TENM4: variants seen among roughly 807,000 people sequenced by gnomAD.
TENM4 encodes teneurin transmembrane protein 4.
TENM4 carries 82 observed loss-of-function variants against 243.3 expected under a neutral mutation model. The observed-to-expected ratio is 0.34, with a 90% CI of 0.28 to 0.40. The LOEUF (loss-of-function observed/expected upper bound fraction) is 0.40. TENM4 is among the 10% of genes least tolerant of loss of function. The pLI, the probability that TENM4 is intolerant of heterozygous loss-of-function variation, is 1.00. For synonymous variants in TENM4, 1,412 were observed against 1,456.3 expected, an observed-to-expected ratio of 0.97 and a Z score of 0.69; for missense variants, 3,138 against 3,673.3, an observed-to-expected ratio of 0.85 and a Z score of 3.77.
In TENM4 at chr11:78,903,539, G is replaced by A. The variant is rs1855989156; in HGVS notation, c.494-16C>T. On this transcript the variant is annotated splice_polypyrimidine_tract_variant and intron_variant, in intron 6 of 33. Transcript: ENST00000278550. ...CCCGGATGATCTAGGGCACAAACAT[G>A]GCGGTCAGCGGCGGTGAGCTTGGTG... is the stretch of plus-strand genomic sequence containing the variant. 6.5e-7 allele frequency: 1 copy of A among 1,543,188 alleles called. No individual in the cohort carries two copies. Among genetic ancestry groups the A allele is most frequent in the Non-Finnish European group, 8.7e-7 (1 of 1,146,606 alleles).
intron 2 of TENM4, among the ~76,000 whole-genome samples, chr11:79,283,343 A>C (rs1856192652): frequency 1.3e-5 from 2 of 152,076 alleles, no homozygotes; most frequent in African/African-American, 4.8e-5. Context: ...TGAATCCAAC[A>C]ACACGTAAAA....
At chr11:78,695,040 T>TTTAA (rs944943507) in intron 28 of TENM4, among the ~76,000 whole-genome samples, 1 of 152,156 alleles carries the variant, frequency 6.6e-6, no homozygotes, top group Admixed American at 6.5e-5. Context: ...TATTTTTATT[T>TTTAA]TTAATTAATT....
rs557723807 is a variant in TENM4, at chr11:79,373,372, G to A, written c.-321+67137C>T. On this transcript the variant is annotated intron_variant, in intron 1 of 33. Transcript: ENST00000278550. ...TGGATGGATCGATAAATGAATGAAG[G>A]TGTGAATGGATGCATGGGTGGATAG... Among the ~76,000 whole-genome samples, 5 of 151,984 alleles carry A rather than the reference G, an allele frequency of 3.3e-5. No homozygotes were observed. The South Asian group carries it at 1.0e-3, about 32-fold the overall frequency.
At chr11:78,779,437 G>C (rs1290944797) in intron 16 of TENM4, among the ~76,000 whole-genome samples, 1 of 152,184 alleles carries the variant, frequency 6.6e-6, no homozygotes, top group Non-Finnish European at 1.5e-5. Flanking sequence ...TCCAAGCCTT[G>C]AGTTATTTGG....
At chr11:78,881,485 G>C (rs567886003) in intron 9 of TENM4, among the ~76,000 whole-genome samples, 1 of 152,184 alleles carries the variant, frequency 6.6e-6, no homozygotes, top group South Asian at 2.1e-4. Flanking sequence ...CTCTCAGCTG[G>C]CTAACTTCTC....
At chr11:78,714,532 C>A (rs1020186301) in intron 25 of TENM4, among the ~76,000 whole-genome samples, 2 of 152,218 alleles carry the variant, frequency 1.3e-5, no homozygotes, top group African/African-American at 4.8e-5. Context: ...AGCCTGGGTC[C>A]TCTTCAAGCC....
intron 1 of TENM4, among the ~76,000 whole-genome samples, chr11:79,414,902 T>G (rs976938545): frequency 6.6e-6 from 1 of 152,272 alleles, no homozygotes; most frequent in Non-Finnish European, 1.5e-5. Context: ...AATCCATTAA[T>G]TCTGATCATT....
intron 6 of TENM4, among the ~76,000 whole-genome samples, chr11:78,938,263 G>A (rs571907865): frequency 1.1e-4 from 17 of 152,244 alleles, no homozygotes; most frequent in Admixed American, 3.3e-4. Flanking sequence ...CTAGGTGCTG[G>A]CCTTTTTTAT....
At position 78,889,899 on chromosome 11, in the gene TENM4, C is replaced by A. The variant is rs901986243; in HGVS notation, c.970G>T (p.Ala324Ser). The change falls in exon 9 of 34, where the codon GCC becomes TCC. Residue 324 changes from alanine (A) to serine (S), a missense_variant. Around this residue, in one of 2 missense-constraint regions of TENM4, gnomAD observed 671 missense variants for 614.1 expected, o/e 1.09. Transcript: ENST00000278550. ...PPRPLPRSTF[A>S]RPAFNLKKPS... ...TTCTTGAGGTTAAAGGCCGGCCGGG[C>A]GAAGGTGCTGCGGGGCAGGGGTCGG... 6.4e-7 allele frequency: 1 copy of A among 1,551,654 alleles called. No individual in the cohort carries two copies.
intron 6 of TENM4, among the ~76,000 whole-genome samples, chr11:78,929,270 G>C (rs1479342108): frequency 6.6e-6 from 1 of 152,182 alleles, no homozygotes; most frequent in South Asian, 2.1e-4. Context: ...ATAGGACAAA[G>C]CAACAGCAAT....
At chr11:79,337,901 C>G (rs571944312) in intron 1 of TENM4, among the ~76,000 whole-genome samples, 215 of 152,330 alleles carry the variant, frequency 1.4e-3, no homozygotes, top group African/African-American at 4.9e-3. Context: ...GGGGTGGTAC[C>G]TAGACTTGCT....
At chr11:78,822,896 G>T (rs967202804) in intron 12 of TENM4, among the ~76,000 whole-genome samples, 2 of 152,178 alleles carry the variant, frequency 1.3e-5, no homozygotes, top group Admixed American at 1.3e-4. Flanking sequence ...CTCATTTCAG[G>T]AGCTACCTTA....
chr11:79,299,921 G>C (rs1180020914), intron 1 of TENM4, among the ~76,000 whole-genome samples: 2 of 152,194 alleles, frequency 1.3e-5, no homozygotes, highest in African/African-American at 2.4e-5. Flanking sequence ...GGTTGGGCTT[G>C]CTTTCTGCTG....
intron 20 of TENM4, among the ~76,000 whole-genome samples, chr11:78,736,502 G>A (rs1487884283): frequency 1.3e-5 from 2 of 151,738 alleles, no homozygotes; most frequent in African/African-American, 2.4e-5. Flanking sequence ...ATGTGAGTAG[G>A]GGTGGGGGAG....
intron 6 of TENM4, among the ~76,000 whole-genome samples, chr11:78,913,757 T>G (rs544602588): frequency 6.6e-6 from 1 of 152,218 alleles, no homozygotes; most frequent in South Asian, 2.1e-4. Flanking sequence ...GGCCATGCTG[T>G]GCTGATTTGC....
chr11:79,056,870 G>A (rs928244457), intron 6 of TENM4, among the ~76,000 whole-genome samples: 1 of 152,216 alleles, frequency 6.6e-6, no homozygotes, highest in African/African-American at 2.4e-5. Context: ...TAGCTGTGAG[G>A]CTGGGAGAAG....
intron 22 of TENM4, among the ~76,000 whole-genome samples, chr11:78,728,409 C>T (rs1297406280): frequency 6.6e-6 from 1 of 152,154 alleles, no homozygotes; most frequent in African/African-American, 2.4e-5. Context: ...ACATTGCCCA[C>T]AGTAGGTGCT....
chr11:79,139,785 TTA>T (rs1555016087), intron 4 of TENM4, among the ~76,000 whole-genome samples: 17 of 19,070 alleles, frequency 8.9e-4, no homozygotes, highest in African/African-American at 3.9e-3. Context: ...ATAATATATA[TTA>T]TATTTATATA....
rs1190186879 is a variant in TENM4, at chr11:79,147,509, A to G, written c.-66+1201T>C. ...TCATGAATTTTCTGAGGTTGGGCTT[A>G]TGTTTGCATGAGAGTTTATGAGATG... is the stretch of plus-strand genomic sequence containing the variant. On this transcript the variant is annotated intron_variant, in intron 4 of 33. Coordinates refer to ENST00000278550, the MANE Select transcript of TENM4 (RefSeq NM_001098816.3). Among the ~76,000 whole-genome samples the G allele has an allele frequency of 3.3e-5, 5 of 152,038 alleles. No homozygotes were observed. In the East Asian group the frequency reaches 9.7e-4, roughly 29 times the overall value.
Sources: gnomAD v4.1 joint callset for allele counts (sites outside exome capture counted in the v4.1 genomes callset) on GRCh38, gnomAD v4.1.1 for gene constraint, gnomAD v4.1.1 regional missense constraint, MANE v1.5 for transcripts, NCBI Gene and HGNC (gene_info 2026-07-23, HGNC 2026-07-21) for gene names.